ADORA2B: variants seen among roughly 807,000 people sequenced by gnomAD.
ADORA2B encodes adenosine receptor A2b.
ADORA2B carries 18 observed loss-of-function variants against 20.8 expected under a neutral mutation model. The ratio of observed to expected loss-of-function variants is 0.87; its 90% confidence interval spans 0.60 to 1.29. ADORA2B has a LOEUF of 1.29. ADORA2B is among the 50% of genes most tolerant of loss of function. ADORA2B has a pLI of 0.00. For synonymous variants in ADORA2B, 179 were observed against 178.3 expected (o/e 1.00, Z -0.03); for missense variants, 441 against 422.7 (o/e 1.04, Z -0.38).
the ADORA2B span, among the ~76,000 whole-genome samples, chr17:15,909,575 C>T: frequency 3.5e-5 from 5 of 141,078 alleles, no homozygotes; most frequent in African/African-American, 1.4e-4. Context: ...CGGTCCTCGT[C>T]TTTGACCTCC....
the ADORA2B span, among the ~76,000 whole-genome samples, chr17:15,903,151 C>G: frequency 6.6e-6 from 1 of 152,120 alleles, no homozygotes; most frequent in Non-Finnish European, 1.5e-5. Context: ...TTTTGCTCCA[C>G]TTGAAAATTT....
At chr17:15,952,572 G>A (rs1196568554) in intron 1 of ADORA2B, among the ~76,000 whole-genome samples, 1 of 152,124 alleles carries the variant, frequency 6.6e-6, no homozygotes, top group Non-Finnish European at 1.5e-5. Flanking sequence ...CTTGATGAGG[G>A]GTCCCTTCTA....
At chr17:15,938,525 A>G in the ADORA2B span, among the ~76,000 whole-genome samples, 3 of 152,144 alleles carry the variant, frequency 2.0e-5, no homozygotes, top group African/African-American at 7.2e-5. Context: ...GATGGTCTCT[A>G]TCTCCTGACT....
the ADORA2B span, among the ~76,000 whole-genome samples, chr17:15,931,104 C>T: frequency 3.3e-5 from 5 of 152,140 alleles, no homozygotes; most frequent in Admixed American, 1.3e-4. Context: ...ATCGCTTGAG[C>T]CCAGGAGTTT....
the ADORA2B span, among the ~76,000 whole-genome samples, chr17:15,863,787 G>T: frequency 1.6e-4 from 25 of 152,262 alleles, no homozygotes; most frequent in African/African-American, 5.5e-4. Context: ...ACAAATAAAA[G>T]ACTAGATGGA....
chr17:15,876,449 C>CTTTTTTTTTTTTTTTTTTTT, the ADORA2B span, among the ~76,000 whole-genome samples: 16 of 119,292 alleles, frequency 1.3e-4, no homozygotes, highest in East Asian at 4.8e-4. Flanking sequence ...TTTCTTTTTT[C>CTTTTTTTTTTTTTTTTTTTT]TTTTTTTTTT....
the ADORA2B span, among the ~76,000 whole-genome samples, chr17:15,865,185 T>A: frequency 6.6e-6 from 1 of 152,262 alleles, no homozygotes; most frequent in African/African-American, 2.4e-5. Flanking sequence ...ATACCTGGTA[T>A]AAGTTTAAGT....
At chr17:15,872,601 CA>C in the ADORA2B span, among the ~76,000 whole-genome samples, 1 of 152,090 alleles carries the variant, frequency 6.6e-6, no homozygotes, top group Non-Finnish European at 1.5e-5. Flanking sequence ...TCTTCTTGTA[CA>C]GATCTTTCAC....
At chr17:15,905,719 G>C in the ADORA2B span, among the ~76,000 whole-genome samples, 1 of 149,632 alleles carries the variant, frequency 6.7e-6, no homozygotes, top group Non-Finnish European at 1.5e-5. Flanking sequence ...GCAGTTGTGC[G>C]ATCTCAGCTC....
intron 1 of ADORA2B, among the ~76,000 whole-genome samples, chr17:15,946,049 G>A (rs894461442): frequency 6.6e-6 from 1 of 152,196 alleles, no homozygotes; most frequent in Non-Finnish European, 1.5e-5. Flanking sequence ...AGGCCCGGGA[G>A]GTTCCCACTA....
chr17:15,958,418 A>G (rs1180065406), intron 1 of ADORA2B, among the ~76,000 whole-genome samples: 1 of 152,146 alleles, frequency 6.6e-6, no homozygotes, highest in Non-Finnish European at 1.5e-5. Context: ...GTCTCTCCGC[A>G]TCCATCCTTG....
intron 1 of ADORA2B, among the ~76,000 whole-genome samples, chr17:15,966,416 T>C (rs1478141662): frequency 6.6e-6 from 1 of 152,192 alleles, no homozygotes; most frequent in Non-Finnish European, 1.5e-5. Context: ...ACTCCCCAGG[T>C]AGCTGCCCTT....
the ADORA2B span, among the ~76,000 whole-genome samples, chr17:15,904,554 T>G: frequency 6.6e-6 from 1 of 151,780 alleles, no homozygotes; most frequent in African/African-American, 2.4e-5. Flanking sequence ...CGCCAGCTAA[T>G]TTTTGTATTT....
At position 15,952,016 on chromosome 17, in the gene ADORA2B, G is replaced by A. The variant is rs570274556; in HGVS notation, c.335+6433G>A. Among the ~76,000 whole-genome samples the A allele has an allele frequency of 1.9e-4, 29 of 152,330 alleles. No individual in the cohort carries two copies. In the East Asian group the frequency reaches 4.6e-3, roughly 24 times the overall value. ...GGAGCAGCACAGCCAGGGAAACACCGCCTGGCCTCATGCTGTGGACATTCC... is the reference window on the plus strand; with the variant it reads ...GGAGCAGCACAGCCAGGGAAACACCACCTGGCCTCATGCTGTGGACATTCC... On this transcript the variant is annotated intron_variant, in intron 1 of 1. Coordinates refer to ENST00000304222, the MANE Select transcript of ADORA2B (RefSeq NM_000676.4).
the ADORA2B span, among the ~76,000 whole-genome samples, chr17:15,855,970 G>T: frequency 6.6e-6 from 1 of 151,730 alleles, no homozygotes; most frequent in East Asian, 1.9e-4. Flanking sequence ...ACAACCTCTG[G>T]CAGCCACCAC....
intron 1 of ADORA2B, among the ~76,000 whole-genome samples, chr17:15,948,816 C>T (rs1969853512): frequency 6.6e-6 from 1 of 152,158 alleles, no homozygotes; most frequent in Admixed American, 6.5e-5. Context: ...CCTCACGTAT[C>T]TGGTCTTTGA....
chr17:15,876,108 C>CT, the ADORA2B span, among the ~76,000 whole-genome samples: 284 of 151,632 alleles, frequency 1.9e-3, 2 homozygotes, highest in African/African-American at 6.5e-3. Flanking sequence ...TATTCTTTTT[C>CT]TTTTTTTTTC....
the ADORA2B span, among the ~76,000 whole-genome samples, chr17:15,892,947 G>A: frequency 6.6e-6 from 1 of 152,170 alleles, no homozygotes; most frequent in Non-Finnish European, 1.5e-5. Context: ...GTCGTGGGCT[G>A]TGCGGTTTTG....
chr17:15,873,150 A>G, the ADORA2B span, among the ~76,000 whole-genome samples: 1 of 152,208 alleles, frequency 6.6e-6, no homozygotes, highest in Admixed American at 6.5e-5. Flanking sequence ...TTCCGCATCT[A>G]TTGAGATGAT....
Sources: allele counts gnomAD v4.1 joint callset (sites outside exome capture counted in the v4.1 genomes callset), GRCh38; gene constraint gnomAD v4.1.1; transcripts MANE v1.5; gene names NCBI Gene and HGNC (gene_info 2026-07-23, HGNC 2026-07-21).